The following LILRB3 variants were observed in gnomAD, a reference collection of about 807,000 sequenced individuals.
LILRB3 encodes leukocyte immunoglobulin-like receptor subfamily B member 3.
A neutral mutation model predicts 68.2 loss-of-function variants in LILRB3; 32 were observed. The observed-to-expected ratio is 0.47, with a 90% CI of 0.35 to 0.63. LILRB3 has a LOEUF of 0.63. Ranked by LOEUF, LILRB3 falls within the 30% of genes least tolerant of loss-of-function variation. The pLI is 0.00. For synonymous variants in LILRB3, 185 were observed against 323.1 expected (o/e 0.57, Z 4.58); for missense variants, 502 against 791.3 (o/e 0.63, Z 4.39).
At chr19:54,219,225 C>G in exon 8 of LILRB3, 1 of 1,589,132 alleles carries the variant, frequency 6.3e-7, no homozygotes, top group Non-Finnish European at 8.6e-7. Flanking sequence ...CCAATCAAAA[C>G]CTCCAGGTAT....
exon 13 of LILRB3, chr19:54,216,342 C>G (rs2077482502): frequency 6.9e-6 from 1 of 144,670 alleles, no homozygotes; most frequent in Admixed American, 7.0e-5. Flanking sequence ...CGGAATCTCA[C>G]TCTGTCGCCC....
At chr19:54,219,199 G>A (rs751050575) in exon 8 of LILRB3, 21 of 1,606,588 alleles carry the variant, frequency 1.3e-5, no homozygotes, top group East Asian at 4.5e-5. Flanking sequence ...GCAGCAGGAC[G>A]AAGGCCACCG....
intron 4 of LILRB3, 90 bp downstream of exon 4, chr19:54,221,738 G>C (rs2078198270): frequency 6.3e-7 from 1 of 1,586,096 alleles, no homozygotes; most frequent in African/African-American, 1.4e-5. Flanking sequence ...ACATCACTCT[G>C]GGTCCTTTCC....
intron 7 of LILRB3, 197 bp downstream of exon 7, chr19:54,219,958 G>GC (rs1469950121): frequency 1.5e-6 from 2 of 1,326,836 alleles, no homozygotes; most frequent in Non-Finnish European, 1.0e-6. Flanking sequence ...GGGCTGTCTT[G>GC]CCCCCCACAT....
At chr19:54,222,608 G>A in intron 2 of LILRB3, 46 bp from the exon 3 acceptor site, 1 of 1,611,162 alleles carries the variant, frequency 6.2e-7, no homozygotes, top group Non-Finnish European at 8.5e-7. Flanking sequence ...CCCACGCTCA[G>A]ATCCCAGCTC....
intron 10 of LILRB3, 66 bp from the exon 11 acceptor site, chr19:54,218,479 TGCCCTGCTCCCAGATGGG>T: frequency 6.2e-7 from 1 of 1,608,864 alleles, no homozygotes; most frequent in Non-Finnish European, 8.5e-7. Context: ...GCTGGCCCCC[TGCCCTGCTCCCAGATGGG>T]GCCACCGAAT....
intron 9 of LILRB3, 26 bp from the exon 10 acceptor site, chr19:54,218,708 G>A: frequency 1.2e-6 from 2 of 1,614,142 alleles, no homozygotes; most frequent in Non-Finnish European, 8.5e-7. Context: ...GGAGTGTGAG[G>A]GGCAGTGTAT....
At chr19:54,218,467 C>T (rs1233757715) in intron 10 of LILRB3, 54 bp from the exon 11 acceptor site, 4 of 1,611,138 alleles carry the variant, frequency 2.5e-6, no homozygotes, top group Non-Finnish European at 3.4e-6. Context: ...CCTCTCAGTC[C>T]TGCTGGCCCC....
chr19:54,221,884 G>A (rs200325318), exon 4 of LILRB3: 27,268 of 1,444,070 alleles, frequency 0.019, 5,509 homozygotes, highest in Admixed American at 0.034. Context: ...GGGGGTGTTT[G>A]TATAATAGTA....
In LILRB3 at chr19:54,222,954, A is replaced by G; in HGVS notation, c.23T>C (p.Leu8Pro). Reference sequence around the variant, plus strand: ...TCTTGAAATCTCACCAAGGCAGAGCAGGGCTGTGAGGGCGGGCGTCATGGC... The same window carrying G: ...TCTTGAAATCTCACCAAGGCAGAGCGGGGCTGTGAGGGCGGGCGTCATGGC... The change falls in exon 1 of 13, where the codon CTG becomes CCG. Residue 8 changes from leucine (L) to proline (P), a missense_variant. Physicochemically the swap from Leu to Pro is moderately conservative, Grantham distance 98. Around this residue, in one of 8 missense-constraint regions of LILRB3, gnomAD observed 97 missense variants for 180.4 expected, o/e 0.54. Transcript: ENST00000445347. 1.9e-6 allele frequency: 3 copies of G among 1,612,640 alleles called. 1 individual carries two copies. Among genetic ancestry groups the G allele is most frequent in the South Asian group, 1.1e-5 (1 of 91,034 alleles).
At chr19:54,222,112 G>A (rs1411410666) in exon 4 of LILRB3, 1 of 1,607,586 alleles carries the variant, frequency 6.2e-7, no homozygotes, top group Admixed American at 1.7e-5. Context: ...GGCTGAGAGG[G>A]TGGGTTTGTT....
exon 13 of LILRB3, chr19:54,217,085 C>T (rs377014402): frequency 1.1e-5 from 18 of 1,613,908 alleles, no homozygotes; most frequent in Non-Finnish European, 1.4e-5. Flanking sequence ...GTCTGCGTAC[C>T]CCCCGGGCTA....
At chr19:54,218,532 C>T (rs2077721174) in intron 10 of LILRB3, 113 bp downstream of exon 10, 2 of 1,602,482 alleles carry the variant, frequency 1.2e-6, no homozygotes, top group Non-Finnish European at 1.7e-6. Context: ...CAGTGTGGGG[C>T]AAGACCATCT....
chr19:54,219,261 T>C lies in LILRB3; in HGVS notation c.1310-16A>G, dbSNP rs931178244. The C allele has an allele frequency of 1.3e-6, 2 of 1,538,390 alleles. No individual in the cohort carries two copies. The highest frequency in any genetic ancestry group is 8.7e-7 in the Non-Finnish European group (1 of 1,143,162). On this transcript the variant is annotated splice_polypyrimidine_tract_variant and intron_variant, in intron 7 of 12. Coordinates refer to ENST00000445347, the Ensembl canonical transcript of LILRB3. The stretch of plus-strand genomic sequence containing the variant: ...CTTCCCAGACCTTGACATGAGGACG[T>C]CAGGAGTGGGAATGATGTCATTGAT...
Position 54,222,409 on chromosome 19 carries a change from A to T in LILRB3, c.224T>A (p.Leu75Gln), listed in dbSNP as rs2078283463. ...GAATCTGGCCTTGTTCTTGGGTTCC[A>T]GTGGGTTATTTCTGTCCCAGGGCTC... The change falls in exon 3 of 13, where the codon CTG becomes CAG. Residue 75 changes from leucine (L) to glutamine (Q), a missense_variant. This residue lies in a region of LILRB3 where 97 missense variants were observed against 180.4 expected (regional missense o/e 0.54). Transcript: ENST00000445347. 11 of 1,608,356 alleles carry T rather than the reference A, an allele frequency of 6.8e-6. No homozygotes were observed. The South Asian group carries it at 1.2e-4, about 18-fold the overall frequency.
chr19:54,218,568 G>C, intron 10 of LILRB3, 77 bp downstream of exon 10: 1 of 1,609,916 alleles, frequency 6.2e-7, no homozygotes, highest in Non-Finnish European at 8.5e-7. Context: ...ACCCTTCCCA[G>C]CCCCTCCCTG....
In LILRB3 at chr19:54,219,000, T is replaced by C. The variant is rs1336081380; in HGVS notation, c.1426+129A>G. On this transcript the variant is annotated intron_variant, in intron 8 of 12. Coordinates refer to ENST00000445347, the Ensembl canonical transcript of LILRB3. ...TCCCATGAATACTGAAGTTTGTAAA[T>C]GCGTATTGAAATTACGTGCCCCTGG... 4.2e-5 allele frequency: 64 copies of C among 1,522,366 alleles called. 1 individual carries two copies. In the East Asian group the frequency reaches 1.3e-3, roughly 32 times the overall value. 94.3% of individuals were successfully genotyped at this position (1,522,366 alleles called of 1,614,324 possible).
chr19:54,218,608 C>T, intron 10 of LILRB3, 37 bp downstream of exon 10: 1 of 1,614,148 alleles, frequency 6.2e-7, no homozygotes, highest in Non-Finnish European at 8.5e-7. Context: ...ACTCCTGTCT[C>T]TCCAGCACCC....
intron 8 of LILRB3, 142 bp from the exon 9 acceptor site, chr19:54,218,980 T>C: frequency 6.5e-7 from 1 of 1,528,354 alleles, no homozygotes; most frequent in South Asian, 1.3e-5. Context: ...AAAACTCCCA[T>C]GAATACTGAA....
Sources: allele counts gnomAD v4.1 joint callset, GRCh38; gene constraint gnomAD v4.1.1; regional missense constraint gnomAD v4.1.1; transcripts MANE v1.5; gene names NCBI Gene and HGNC (gene_info 2026-07-23, HGNC 2026-07-21).